The following MCEE variants were observed in gnomAD, a reference collection of about 807,000 sequenced individuals.
The protein encoded by MCEE is methylmalonyl-CoA epimerase, mitochondrial.
A neutral mutation model predicts 12.9 loss-of-function variants in MCEE; 6 were observed. The ratio of observed to expected loss-of-function variants is 0.47; its 90% CI spans 0.26 to 0.92. The LOEUF is 0.92. Ranked by LOEUF, MCEE falls within the 40% of genes least tolerant of loss-of-function variation. The pLI, the probability that MCEE is intolerant of heterozygous loss-of-function variation, is 0.16. For missense variants in MCEE, 214 were observed against 212.1 expected (o/e 1.01, Z -0.05); for synonymous variants, 78 against 77.9 (o/e 1.00, Z -0.01).
Position 71,109,696 on chromosome 2 carries a change from A to G in MCEE, c.*274T>C. Reference sequence around the variant, plus strand: ...TTCAATTACCCCATTGTAGAAGAGGAATAATTTATTTCTATATGATTTTAA... The same window carrying G: ...TTCAATTACCCCATTGTAGAAGAGGGATAATTTATTTCTATATGATTTTAA... On this transcript the variant is annotated 3_prime_UTR_variant, in exon 3 of 3. Transcript: ENST00000244217. 4.3e-6 allele frequency: 1 copy of G among 230,064 alleles called. No individual in the cohort carries two copies. The highest frequency in any genetic ancestry group is 8.3e-6 in the Non-Finnish European group (1 of 120,010). The allele number at this position is 230,064 out of a possible 1,614,324, so 14.3% of individuals were successfully genotyped here.
At chr2:71,128,632 C>T (rs981707939) in intron 1 of MCEE, among the ~76,000 whole-genome samples, 3 of 151,804 alleles carry the variant, frequency 2.0e-5, no homozygotes, top group Middle Eastern at 6.8e-3. Flanking sequence ...CGGGTTCAAG[C>T]GATTATCCTG....
At chr2:71,124,637 A>C in intron 1 of MCEE, 94 bp from the exon 2 acceptor site, 1 of 937,174 alleles carries the variant, frequency 1.1e-6, no homozygotes, top group Non-Finnish European at 1.7e-6. Context: ...GCATGCAAAA[A>C]TTCATTATTT....
In MCEE at chr2:71,110,119, C is replaced by G. The variant is rs374146517; in HGVS notation, c.382G>C (p.Asp128His). The G allele has an allele frequency of 2.5e-6, 4 of 1,611,784 alleles. No homozygotes were observed. In the African/African-American group the frequency reaches 5.3e-5, roughly 22 times the overall value. ...TCCATCACAGCTGCATTAATATTAT[C>G]CACCTTAAGAAAGGGAAATAAATTG... ...GGMHHICIEV[D>H]NINAAVMDLK... The change falls in exon 3 of 3, where the codon GAT (aspartate) becomes CAT (histidine). Residue 128 changes from aspartate to histidine, a missense_variant. Asp to His is a moderately conservative substitution (Grantham distance 81, BLOSUM62 -1). Transcript: ENST00000244217.
At chr2:71,129,635 C>T (rs1673323707) in intron 1 of MCEE, 1 of 154,126 alleles carries the variant, frequency 6.5e-6, no homozygotes, top group Non-Finnish European at 1.4e-5. Context: ...TTTCCAAATC[C>T]ACATGCTTTT....
Position 71,124,285 on chromosome 2 carries a change from T to C in MCEE, c.299A>G (p.His100Arg), listed in dbSNP as rs1372574188. 2 of 1,614,240 alleles carry C rather than the reference T, an allele frequency of 1.2e-6. No homozygotes were observed. Among genetic ancestry groups the C allele is most frequent in the Admixed American group, 3.3e-5 (2 of 60,032 alleles). The change falls in exon 2 of 3, where the codon CAT becomes CGT. Residue 100 changes from histidine (H) to arginine (R), a missense_variant. Coordinates refer to ENST00000244217, the MANE Select transcript of MCEE (RefSeq NM_032601.4). The part of the protein sequence containing the change: ...NLGNTKMELL[H>R]PLGRDSPIAG... ...AATTGGACTGTCACGTCCCAATGGA[T>C]GAAGCAGTTCCATCTTGGTATTTCC...
At chr2:71,124,185 G>C in intron 2 of MCEE, 21 bp downstream of exon 2, 1 of 1,536,100 alleles carries the variant, frequency 6.5e-7, no homozygotes, top group Non-Finnish European at 9.0e-7. Context: ...AAAATACCAG[G>C]CATTAAAATA....
In MCEE at chr2:71,124,195, A is replaced by C; in HGVS notation, c.378+11T>G. On this transcript the variant is annotated intron_variant, in intron 2 of 2. Coordinates refer to ENST00000244217, the MANE Select transcript of MCEE (RefSeq NM_032601.4). ...GATTTAAAATACCAGGCATTAAAAT[A>C]ATTAAAATACCTCGATGCAGATGTG... 1.9e-6 allele frequency: 3 copies of C among 1,595,514 alleles called. No homozygotes were observed. Among genetic ancestry groups the C allele is most frequent in the East Asian group, 4.5e-5 (2 of 44,800 alleles).
chr2:71,118,423 C>T (rs1440050322), intron 2 of MCEE: 1 of 150,526 alleles, frequency 6.6e-6, no homozygotes, highest in Non-Finnish European at 1.5e-5. Flanking sequence ...TGGGCTCCAG[C>T]TCCCTGCTCT....
At chr2:71,125,188 AATATAT>A (rs67615436) in intron 1 of MCEE, among the ~76,000 whole-genome samples, 13 of 65,704 alleles carry the variant, frequency 2.0e-4, no homozygotes, top group Middle Eastern at 0.013. Context: ...TATATATATA[AATATAT>A]ATATATATAT....
chr2:71,124,616 AAAC>A, intron 1 of MCEE, 73 bp from the exon 2 acceptor site: 1 of 1,163,882 alleles, frequency 8.6e-7, no homozygotes. Context: ...TTTAAAAACT[AAAC>A]AAATAATGCA....
Position 71,109,899 on chromosome 2 carries a change from G to A in MCEE, c.*71C>T. On this transcript the variant is annotated 3_prime_UTR_variant, in exon 3 of 3. Coordinates refer to ENST00000244217, the MANE Select transcript of MCEE (RefSeq NM_032601.4). ...TGATGGAAGCAGTGAAGGACTCAAT[G>A]TCATAGTACATTTTGATAGTATTTG... is the stretch of plus-strand genomic sequence containing the variant. 6.7e-7 allele frequency: 1 copy of A among 1,492,658 alleles called. No individual in the cohort carries two copies. Among genetic ancestry groups the A allele is most frequent in the Non-Finnish European group, 9.3e-7 (1 of 1,078,550 alleles). The allele number at this position is 1,492,658 out of a possible 1,614,324, so 92.5% of individuals were successfully genotyped here.
chr2:71,129,948 C>G (rs1673333239), intron 1 of MCEE: 2 of 617,094 alleles, frequency 3.2e-6, no homozygotes, highest in East Asian at 2.8e-5. Flanking sequence ...GAGCCCAAGG[C>G]GCACAGCTCT....
chr2:71,129,050 G>A (rs1352254542), intron 1 of MCEE, among the ~76,000 whole-genome samples: 1 of 151,780 alleles, frequency 6.6e-6, no homozygotes, highest in South Asian at 2.1e-4. Flanking sequence ...CACACAAGTG[G>A]AGACATTAAG....
At chr2:71,118,978 T>A (rs890192192) in intron 2 of MCEE, among the ~76,000 whole-genome samples, 1 of 149,638 alleles carries the variant, frequency 6.7e-6, no homozygotes, top group Admixed American at 6.6e-5. Context: ...ATGGATGCCC[T>A]CCTCACCTTG....
At chr2:71,114,075 A>G (rs1672944425) in intron 2 of MCEE, among the ~76,000 whole-genome samples, 1 of 152,158 alleles carries the variant, frequency 6.6e-6, no homozygotes, top group Non-Finnish European at 1.5e-5. Context: ...AGGAGATCCT[A>G]GAAAAAGGTT....
chr2:71,117,844 G>T (rs1673023866), intron 2 of MCEE, among the ~76,000 whole-genome samples: 1 of 149,766 alleles, frequency 6.7e-6, no homozygotes, highest in Non-Finnish European at 1.5e-5. Context: ...CATCTAACCA[G>T]CCCCTTCTCT....
chr2:71,117,109 C>T (rs958237668), intron 2 of MCEE, among the ~76,000 whole-genome samples: 4 of 150,438 alleles, frequency 2.7e-5, no homozygotes, highest in Non-Finnish European at 5.9e-5. Flanking sequence ...GACTTCAATC[C>T]TCAAATTGGT....
At chr2:71,127,304 G>C (rs1266454054) in intron 1 of MCEE, among the ~76,000 whole-genome samples, 1 of 152,110 alleles carries the variant, frequency 6.6e-6, no homozygotes, top group African/African-American at 2.4e-5. Context: ...ATTTCTTTCA[G>C]TTCAGATTTT....
At position 71,130,167 on chromosome 2, in the gene MCEE, G is replaced by T; in HGVS notation, c.40+13C>A. ...CTGTCCCATGGCGAAGGTCGCCGGT[G>T]CCCGGTATTCACCTACGGCATTCGC... On this transcript the variant is annotated intron_variant, in intron 1 of 2. Coordinates refer to ENST00000244217, the MANE Select transcript of MCEE (RefSeq NM_032601.4). 6.2e-7 allele frequency: 1 copy of T among 1,607,928 alleles called. No individual in the cohort carries two copies.
Sources: gnomAD v4.1 joint callset for allele counts (sites outside exome capture counted in the v4.1 genomes callset) on GRCh38, gnomAD v4.1.1 for gene constraint, MANE v1.5 for transcripts, NCBI Gene and HGNC (gene_info 2026-07-23, HGNC 2026-07-21) for gene names.